Variants in MT3 observed in about 807,000 individuals in gnomAD.
MT3 encodes the protein metallothionein 3.
MT3 carries 8 observed loss-of-function variants against 10.9 expected under a neutral mutation model. That is an observed-to-expected ratio of 0.73 (90% CI 0.43 to 1.33). The LOEUF (loss-of-function observed/expected upper bound fraction) is 1.33. Ranked by LOEUF, MT3 falls within the 40% of genes most tolerant of loss-of-function variation. The pLI, the probability that MT3 is intolerant of heterozygous loss-of-function variation, is 0.01. For synonymous variants in MT3, 32 were observed against 29.9 expected (o/e 1.07, Z -0.23); for missense variants, 75 against 83.9 (o/e 0.89, Z 0.41).
intron 1 of MT3, 86 bp from the exon 2 acceptor site, chr16:56,589,784 G>A (rs780048780): frequency 6.3e-7 from 1 of 1,582,314 alleles, no homozygotes; most frequent in South Asian, 1.1e-5. Flanking sequence ...GGAGAACAGG[G>A]AGACTTGGCA....
intron 2 of MT3, chr16:56,590,592 A>T: frequency 1.8e-6 from 1 of 544,120 alleles, no homozygotes; most frequent in Non-Finnish European, 3.3e-6. Context: ...AGCCCCCAGG[A>T]CTTCCTGGCA....
Position 56,589,892 on chromosome 16 carries a change from C to G in MT3, c.54C>G (p.Asp18Glu). 1 of 1,614,146 alleles carries G rather than the reference C, an allele frequency of 6.2e-7. No individual in the cohort carries two copies. The highest frequency in any genetic ancestry group is 8.5e-7 in the Non-Finnish European group (1 of 1,180,020). Reference protein sequence around the residue: ...CPSGGSCTCADSCKCEGCKCT... With the variant: ...CPSGGSCTCAESCKCEGCKCT... Reference sequence around the variant, plus strand: ...TAGGTGGCTCCTGCACCTGCGCGGACTCCTGCAAGTGCGAGGGATGCAAAT... The same window carrying G: ...TAGGTGGCTCCTGCACCTGCGCGGAGTCCTGCAAGTGCGAGGGATGCAAAT... Residue 18 changes from aspartate to glutamate, a missense_variant, in exon 2 of 3, where the codon GAC (aspartate) becomes GAG (glutamate). Coordinates refer to ENST00000200691, the MANE Select transcript of MT3 (RefSeq NM_005954.4).
chr16:56,590,243 G>A, intron 2 of MT3: 5 of 605,856 alleles, frequency 8.3e-6, no homozygotes, highest in East Asian at 2.7e-5. Flanking sequence ...CCAAAACCTG[G>A]GGAAGCCATT....
At chr16:56,590,093 C>T in intron 2 of MT3, 158 bp downstream of exon 2, 3 of 772,760 alleles carry the variant, frequency 3.9e-6, no homozygotes, top group Non-Finnish European at 4.5e-6. Flanking sequence ...AATACAGATG[C>T]CCCTGCCCCA....
chr16:56,590,311 G>A (rs1244681215), intron 2 of MT3: 4 of 591,190 alleles, frequency 6.8e-6, no homozygotes, highest in Middle Eastern at 4.5e-4. Flanking sequence ...CCGGCCTTAC[G>A]GATCCTCTCA....
chr16:56,591,071 A>C lies in MT3; in HGVS notation c.*122A>C. The C allele has an allele frequency of 1.3e-6, 1 of 782,756 alleles. No individual in the cohort carries two copies. Among genetic ancestry groups the C allele is most frequent in the Non-Finnish European group, 2.1e-6 (1 of 467,378 alleles). The allele number at this position is 782,756 out of a possible 1,614,324, so 48.5% of individuals were successfully genotyped here. A position where few individuals can be genotyped will look rare whatever the true frequency, so the allele number is the denominator to read the frequency against. ...GCTGACCTTGGAGGAATGACAATAA[A>C]TCCCATGAACAGCATGAGCCAAGGA... On this transcript the variant is annotated 3_prime_UTR_variant, in exon 3 of 3. Coordinates refer to ENST00000200691, the MANE Select transcript of MT3 (RefSeq NM_005954.4).
Position 56,589,934 on chromosome 16 carries a change from G to T in MT3, c.96G>T (p.Lys32Asn), listed in dbSNP as rs377749886. ...GATGCAAATGCACCTCCTGCAAGAA[G>T]AGTGAGTGCGGGGACCCTTCCCCTC... Reference protein sequence around the residue: ...CEGCKCTSCKKSCCSCCPAEC... With the variant: ...CEGCKCTSCKNSCCSCCPAEC... Residue 32 changes from lysine (K) to asparagine (N), a missense_variant and splice_region_variant, in exon 2 of 3, where the codon AAG (lysine) becomes AAT (asparagine). Coordinates refer to ENST00000200691, the MANE Select transcript of MT3 (RefSeq NM_005954.4). The T allele has an allele frequency of 6.2e-7, 1 of 1,614,016 alleles. No homozygotes were observed. Among genetic ancestry groups the T allele is most frequent in the Non-Finnish European group, 8.5e-7 (1 of 1,180,018 alleles).
In MT3 at chr16:56,590,655, C is replaced by G; in HGVS notation, c.98-185C>G. The G allele has an allele frequency of 4.9e-6, 3 of 611,110 alleles. No homozygotes were observed. In the South Asian group the frequency reaches 5.6e-5, roughly 11 times the overall value. The allele number at this position is 611,110 out of a possible 1,614,324, so 37.9% of individuals were successfully genotyped here. A position where few individuals can be genotyped will look rare whatever the true frequency, so the allele number is the denominator to read the frequency against. ...TGGGTACCTCACTCCTGTGGAGGTG[C>G]AGGATGCCACTGCCGCGACATAGAT... On this transcript the variant is annotated intron_variant, in intron 2 of 2. Transcript: ENST00000200691.
intron 2 of MT3, 195 bp downstream of exon 2, chr16:56,590,130 G>C (rs563618166): frequency 7.0e-6 from 5 of 709,462 alleles, no homozygotes; most frequent in African/African-American, 7.0e-5. Context: ...GCCTAGGCGT[G>C]GGACGAGAGG....
intron 2 of MT3, 165 bp from the exon 3 acceptor site, chr16:56,590,675 A>T: frequency 3.1e-6 from 2 of 652,874 alleles, no homozygotes; most frequent in Non-Finnish European, 5.4e-6. Context: ...CTGCCGCGAC[A>T]TAGATGCTGA....
At position 56,590,883 on chromosome 16, in the gene MT3, G is replaced by T. The variant is rs746914083; in HGVS notation, c.141G>T (p.Lys47Asn). The T allele has an allele frequency of 3.1e-6, 5 of 1,613,978 alleles. No homozygotes were observed. The South Asian group carries it at 5.5e-5, about 18-fold the overall frequency. The change falls in exon 3 of 3, where the codon AAG (lysine) becomes AAT (asparagine). Residue 47 changes from lysine (K) to asparagine (N), a missense_variant. Lys to Asn is a moderately conservative substitution (Grantham distance 94). Coordinates refer to ENST00000200691, the MANE Select transcript of MT3 (RefSeq NM_005954.4). ...CTGCGGAGTGTGAGAAGTGTGCCAAGGACTGTGTGTGCAAAGGCGGAGAGG... is the reference window on the plus strand; with the variant it reads ...CTGCGGAGTGTGAGAAGTGTGCCAATGACTGTGTGTGCAAAGGCGGAGAGG... ...CCPAECEKCAKDCVCKGGEAA... is the reference protein window; with the variant it reads ...CCPAECEKCANDCVCKGGEAA...
intron 2 of MT3, 137 bp downstream of exon 2, chr16:56,590,072 G>A (rs761689519): frequency 1.3e-5 from 12 of 894,244 alleles, no homozygotes; most frequent in Non-Finnish European, 2.2e-5. Flanking sequence ...AACCACCCGG[G>A]CAGACATTAA....
intron 2 of MT3, 148 bp from the exon 3 acceptor site, chr16:56,590,692 G>A (rs1231549441): frequency 5.7e-6 from 4 of 705,944 alleles, no homozygotes; most frequent in Non-Finnish European, 9.7e-6. Context: ...CTGAGTCAAA[G>A]CAGGTGTGAG....
chr16:56,590,401 C>A, intron 2 of MT3: 1 of 494,170 alleles, frequency 2.0e-6, no homozygotes. Context: ...CTCCCTTCTT[C>A]CCTAGGTATG....
chr16:56,589,665 T>A (rs1462424314), intron 1 of MT3, 44 bp downstream of exon 1: 1 of 1,605,146 alleles, frequency 6.2e-7, no homozygotes, highest in Non-Finnish European at 8.5e-7. Flanking sequence ...TGCGCGCCCT[T>A]GTACCTGCAA....
At chr16:56,590,287 C>T in intron 2 of MT3, 1 of 598,302 alleles carries the variant, frequency 1.7e-6, no homozygotes, top group Non-Finnish European at 3.0e-6. Flanking sequence ...GAGTTCCGGT[C>T]CCTTGGCCTC....
intron 2 of MT3, chr16:56,590,515 G>T: frequency 2.3e-6 from 1 of 431,064 alleles, no homozygotes; most frequent in East Asian, 4.2e-5. Context: ...CCCCTTTCAA[G>T]GTCGTTTACC....
chr16:56,590,109 A>G, intron 2 of MT3, 174 bp downstream of exon 2: 1 of 735,306 alleles, frequency 1.4e-6, no homozygotes, highest in Non-Finnish European at 2.4e-6. Flanking sequence ...CCCCACACCC[A>G]GGAATTGATG....
intron 1 of MT3, 104 bp downstream of exon 1, chr16:56,589,725 C>T (rs765035812): frequency 3.8e-6 from 6 of 1,587,306 alleles, no homozygotes; most frequent in African/African-American, 2.7e-5. Flanking sequence ...GGGAAGGGCC[C>T]CTGATTCCCT....
Sources: allele counts gnomAD v4.1 joint callset, GRCh38; gene constraint gnomAD v4.1.1; transcripts MANE v1.5; gene names NCBI Gene and HGNC (gene_info 2026-07-23, HGNC 2026-07-21).